Variants in EYS observed in about 807,000 individuals in gnomAD.
The protein encoded by EYS is protein eyes shut homolog.
A neutral mutation model predicts 282.1 loss-of-function variants in EYS; 250 were observed. The ratio of observed to expected loss-of-function variants is 0.89; its 90% CI spans 0.80 to 0.98. The LOEUF is 0.98. Ranked by LOEUF, EYS falls within the 50% of genes least tolerant of loss-of-function variation. The pLI is 0.00. For missense variants in EYS, 4,016 were observed against 3,709.0 expected (o/e 1.08, Z -2.15); for synonymous variants, 1,355 against 1,282.9 (o/e 1.06, Z -1.20).
chr6:65,450,204 C>A (rs1764351518), intron 5 of EYS, among the ~76,000 whole-genome samples: 1 of 152,042 alleles, frequency 6.6e-6, no homozygotes, highest in Admixed American at 6.6e-5. Context: ...CTATTCATTT[C>A]TTCAGATACA....
chr6:64,617,057 T>C (rs1269144389), intron 24 of EYS, among the ~76,000 whole-genome samples: 1 of 152,152 alleles, frequency 6.6e-6, no homozygotes, highest in African/African-American at 2.4e-5. Flanking sequence ...AGTAGTACTA[T>C]GTCCTTGGGC....
chr6:64,481,909 A>G (rs1231781064), intron 26 of EYS, among the ~76,000 whole-genome samples: 1 of 151,740 alleles, frequency 6.6e-6, no homozygotes, highest in Non-Finnish European at 1.5e-5. Context: ...ATGTTTTATT[A>G]GTCAGGACAT....
intron 26 of EYS, among the ~76,000 whole-genome samples, chr6:64,486,853 T>C (rs1270047718): frequency 1.3e-5 from 2 of 151,344 alleles, no homozygotes; most frequent in East Asian, 3.9e-4. Context: ...ACCATATTCC[T>C]AGAAGTGGAA....
chr6:65,384,217 C>A (rs571508630), intron 8 of EYS, among the ~76,000 whole-genome samples, 169 bp downstream of exon 8: 1 of 151,826 alleles, frequency 6.6e-6, no homozygotes, highest in South Asian at 2.1e-4. Context: ...CAACATAATT[C>A]TTATAAATTA....
At chr6:64,302,551 T>C (rs1769273184) in intron 30 of EYS, among the ~76,000 whole-genome samples, 1 of 152,158 alleles carries the variant, frequency 6.6e-6, no homozygotes. Context: ...AAACTGATAA[T>C]GGTCCAGCTT....
chr6:64,560,401 A>G (rs185564628), intron 26 of EYS, among the ~76,000 whole-genome samples: 1 of 152,188 alleles, frequency 6.6e-6, no homozygotes, highest in African/African-American at 2.4e-5. Context: ...AATTTTCACA[A>G]TAATTATAAG....
intron 36 of EYS, among the ~76,000 whole-genome samples, chr6:63,835,927 C>A (rs929008952): frequency 1.3e-5 from 2 of 152,078 alleles, no homozygotes; most frequent in African/African-American, 4.8e-5. Context: ...CAAATGGATT[C>A]CATTCTATAA....
chr6:64,386,807 AC>A (rs1291673665), intron 29 of EYS, among the ~76,000 whole-genome samples: 1 of 152,076 alleles, frequency 6.6e-6, no homozygotes, highest in Non-Finnish European at 1.5e-5. Flanking sequence ...TTGCCAAAAT[AC>A]CTTTTTTGTT....
chr6:64,493,287 A>G (rs1014642232), intron 26 of EYS, among the ~76,000 whole-genome samples: 3 of 151,522 alleles, frequency 2.0e-5, no homozygotes, highest in Admixed American at 6.6e-5. Context: ...ATGATTAAAT[A>G]TAAGAAATCA....
At chr6:65,525,822 T>G (rs958234626) in intron 2 of EYS, among the ~76,000 whole-genome samples, 1 of 152,228 alleles carries the variant, frequency 6.6e-6, no homozygotes, top group Non-Finnish European at 1.5e-5. Context: ...TGTTTTGGAA[T>G]TTCACAAAAT....
chr6:64,624,058 C>G (rs966483434), intron 23 of EYS, among the ~76,000 whole-genome samples: 1 of 152,144 alleles, frequency 6.6e-6, no homozygotes, highest in African/African-American at 2.4e-5. Flanking sequence ...TTAGTTTTCA[C>G]TCCCATGACT....
chr6:64,322,800 G>T (rs1314275830), intron 29 of EYS, among the ~76,000 whole-genome samples: 1 of 152,010 alleles, frequency 6.6e-6, no homozygotes, highest in East Asian at 1.9e-4. Flanking sequence ...CAGTGTTTTT[G>T]TTGGTTATTA....
chr6:64,708,594 G>A (rs143625140), intron 22 of EYS, among the ~76,000 whole-genome samples: 94 of 152,132 alleles, frequency 6.2e-4, no homozygotes, highest in African/African-American at 2.1e-3. Flanking sequence ...TTCCTTCAGC[G>A]TAAATGACAG....
chr6:64,033,876 ACT>A (rs1769987200), intron 33 of EYS, among the ~76,000 whole-genome samples: 1 of 151,448 alleles, frequency 6.6e-6, no homozygotes. Flanking sequence ...TTGGGAGTGG[ACT>A]TACATTGTTA....
At chr6:64,678,859 C>T (rs1051914308) in intron 22 of EYS, among the ~76,000 whole-genome samples, 15 of 151,564 alleles carry the variant, frequency 9.9e-5, no homozygotes, top group African/African-American at 3.1e-4. Context: ...TGGTGATAGG[C>T]GCCTGTAATC....
chr6:64,906,404 T>G (rs934229337), intron 16 of EYS, among the ~76,000 whole-genome samples: 1 of 152,202 alleles, frequency 6.6e-6, no homozygotes, highest in Non-Finnish European at 1.5e-5. Context: ...CCTTAACAGG[T>G]ATGTGCTACA....
At chr6:65,549,997 C>T (rs921489642) in intron 2 of EYS, among the ~76,000 whole-genome samples, 1 of 99,362 alleles carries the variant, frequency 1.0e-5, no homozygotes, top group Non-Finnish European at 2.1e-5. Flanking sequence ...ACCATCCTCC[C>T]TGGACCAGTG....
chr6:64,898,211 T>C (rs1767535832), intron 18 of EYS, among the ~76,000 whole-genome samples: 2 of 152,140 alleles, frequency 1.3e-5, no homozygotes, highest in Admixed American at 6.6e-5. Flanking sequence ...GAGAGAAAGG[T>C]TGGGTTATCT....
chr6:64,478,157 C>T (rs1776329885), intron 26 of EYS, among the ~76,000 whole-genome samples: 1 of 151,938 alleles, frequency 6.6e-6, no homozygotes, highest in Admixed American at 6.6e-5. Flanking sequence ...TAAAACCCTA[C>T]CATCTATTAA....
Sources: allele counts gnomAD v4.1 joint callset (sites outside exome capture counted in the v4.1 genomes callset), GRCh38; gene constraint gnomAD v4.1.1; transcripts MANE v1.5; gene names NCBI Gene and HGNC (gene_info 2026-07-23, HGNC 2026-07-21).